Variants in ZNF207 observed in about 807,000 individuals in gnomAD.
ZNF207 encodes the protein BUB3-interacting and GLEBS motif-containing protein ZNF207.
In ZNF207, 24 loss-of-function variants were observed where a neutral mutation model predicts 60.2. The observed-to-expected ratio is 0.40, with a 90% CI of 0.29 to 0.56. The LOEUF is 0.56. Ranked by LOEUF, ZNF207 falls within the 20% of genes least tolerant of loss-of-function variation. The pLI is 0.49. For synonymous variants in ZNF207, 236 were observed against 194.7 expected (o/e 1.21, Z -1.77); for missense variants, 452 against 636.6 (o/e 0.71, Z 3.12).
intron 3 of ZNF207, among the ~76,000 whole-genome samples, chr17:32,360,174 T>C (rs1904772312): frequency 9.0e-6 from 1 of 110,834 alleles, no homozygotes. Context: ...GACCTCACCT[T>C]TACCCCCCCC....
At chr17:32,357,323 T>C (rs1486413974) in intron 2 of ZNF207, among the ~76,000 whole-genome samples, 3 of 54,292 alleles carry the variant, frequency 5.5e-5, no homozygotes, top group African/African-American at 2.6e-4. Flanking sequence ...TTATTATTAT[T>C]ATTATTATTA....
intron 1 of ZNF207, 133 bp downstream of exon 1, chr17:32,350,459 G>C: frequency 1.7e-6 from 2 of 1,199,996 alleles, no homozygotes; most frequent in Non-Finnish European, 2.4e-6. Context: ...CCTGGTGGCT[G>C]GGATTGGACT....
rs925458310 is a variant in ZNF207, at chr17:32,379,535, T to G, written c.*9776T>G. 9.2e-5 allele frequency: 14 copies of G among 152,102 alleles called. No homozygotes were observed. Among genetic ancestry groups the G allele is most frequent in the African/African-American group, 3.4e-4 (14 of 41,434 alleles). 9.4% of individuals were successfully genotyped at this position (152,102 alleles called of 1,614,324 possible). ...TTTTTTTAGTTGGCAGCCAAAAGATTTTTCTTAGTGCTTTGGAGACATTGC... is the reference window on the plus strand; with the variant it reads ...TTTTTTTAGTTGGCAGCCAAAAGATGTTTCTTAGTGCTTTGGAGACATTGC... On this transcript the variant is annotated 3_prime_UTR_variant, in exon 12 of 12. Coordinates refer to ENST00000394670, the MANE Select transcript of ZNF207 (RefSeq NM_001098507.2).
At chr17:32,361,759 A>G (rs1361088969) in intron 6 of ZNF207, among the ~76,000 whole-genome samples, 2 of 152,204 alleles carry the variant, frequency 1.3e-5, no homozygotes, top group Non-Finnish European at 2.9e-5. Flanking sequence ...ATTGAAAGTA[A>G]TGGGACCTGT....
chr17:32,367,285 A>G (rs1449936608), intron 9 of ZNF207, among the ~76,000 whole-genome samples: 1 of 134,098 alleles, frequency 7.5e-6, no homozygotes, highest in African/African-American at 2.9e-5. Context: ...ATATATATAT[A>G]AAGAATACTA....
At chr17:32,367,320 C>A (rs1304252056) in intron 9 of ZNF207, among the ~76,000 whole-genome samples, 1 of 130,240 alleles carries the variant, frequency 7.7e-6, no homozygotes. Flanking sequence ...TTTATTGTGT[C>A]ACCATTTACA....
chr17:32,358,676 AT>A (rs747447322), intron 3 of ZNF207, 35 bp downstream of exon 3: 67 of 1,332,258 alleles, frequency 5.0e-5, no homozygotes, highest in Middle Eastern at 2.3e-4. Context: ...TTATTTATTT[AT>A]TTTTTTTAAT....
chr17:32,376,209 C>T lies in ZNF207; in HGVS notation c.*6450C>T. On this transcript the variant is annotated 3_prime_UTR_variant, in exon 12 of 12. Coordinates refer to ENST00000394670, the MANE Select transcript of ZNF207 (RefSeq NM_001098507.2). ...GTAGGAAATGGAGAAAGTAGGACTT[C>T]AGTTTGCGCTTCCCAATAACTTTAA... The T allele has an allele frequency of 6.6e-6, 1 of 152,004 alleles. No homozygotes were observed. Among genetic ancestry groups the T allele is most frequent in the East Asian group, 1.9e-4 (1 of 5,202 alleles). The allele number at this position is 152,004 out of a possible 1,614,324, so 9.4% of individuals were successfully genotyped here. A position where few individuals can be genotyped will look rare whatever the true frequency, so the allele number is the denominator to read the frequency against.
In ZNF207 at chr17:32,374,276, A is replaced by C. The variant is rs1206720932; in HGVS notation, c.*4517A>C. 3 of 125,144 alleles carry C rather than the reference A, an allele frequency of 2.4e-5. No individual in the cohort carries two copies. The highest frequency in any genetic ancestry group is 9.7e-5 in the Admixed American group (1 of 10,274). 7.8% of individuals were successfully genotyped at this position (125,144 alleles called of 1,614,324 possible). Reference sequence around the variant, plus strand: ...TGTGTCACCCAGGCCAGAGTGCAGTAGCACGATCTCAGCTCACTACAACCT... The same window carrying C: ...TGTGTCACCCAGGCCAGAGTGCAGTCGCACGATCTCAGCTCACTACAACCT... On this transcript the variant is annotated 3_prime_UTR_variant, in exon 12 of 12. Transcript: ENST00000394670.
rs751569036 is a variant in ZNF207 at position 32,365,528 on chromosome 17, A to T, written c.828+41A>T. 5.0e-6 allele frequency: 8 copies of T among 1,602,462 alleles called. No individual in the cohort carries two copies. In the African/African-American group the frequency reaches 1.1e-4, roughly 22 times the overall value. On this transcript the variant is annotated intron_variant, in intron 8 of 11. Transcript: ENST00000394670. ...TGAAAAGGAGTGCACTTATATTTAA[A>T]GATAAAGTACAGTTGTTTACAGAAG...
At chr17:32,356,805 A>G (rs1904533280) in intron 2 of ZNF207, among the ~76,000 whole-genome samples, 1 of 152,190 alleles carries the variant, frequency 6.6e-6, no homozygotes, top group African/African-American at 2.4e-5. Context: ...AGTTACCCAG[A>G]TCTGAAGATT....
rs536502166 is a variant in ZNF207 at position 32,353,811 on chromosome 17, C to CAAAA, written c.168+1921_168+1924dup. Among the ~76,000 whole-genome samples the CAAAA allele has an allele frequency of 4.1e-3, 454 of 110,452 alleles. 8 individuals carry two copies. Among genetic ancestry groups the CAAAA allele is most frequent in the African/African-American group, 0.017 (434 of 25,442 alleles). 72.5% of individuals were successfully genotyped at this position (110,452 alleles called of 152,430 possible). A position where few individuals can be genotyped will look rare whatever the true frequency, so the allele number is the denominator to read the frequency against. On this transcript the variant is annotated intron_variant, in intron 2 of 11. Coordinates refer to ENST00000394670, the MANE Select transcript of ZNF207 (RefSeq NM_001098507.2). ...GCCTGGGTGACAGAGACTCTGTCTCCAAAAAAAAAAAAAAAAAAAAAAAAA... is the reference window on the plus strand; with the variant it reads ...GCCTGGGTGACAGAGACTCTGTCTCCAAAAAAAAAAAAAAAAAAAAAAAAAAAAA...
chr17:32,355,697 C>G (rs938764352), intron 2 of ZNF207, among the ~76,000 whole-genome samples: 1 of 152,084 alleles, frequency 6.6e-6, no homozygotes, highest in East Asian at 1.9e-4. Context: ...TAGGCCACTT[C>G]CAACATTTGA....
At chr17:32,359,395 G>C (rs888929547) in intron 3 of ZNF207, among the ~76,000 whole-genome samples, 1 of 152,078 alleles carries the variant, frequency 6.6e-6, no homozygotes, top group Non-Finnish European at 1.5e-5. Flanking sequence ...ACAGATGTGA[G>C]TCACCACACC....
intron 6 of ZNF207, 63 bp from the exon 7 acceptor site, chr17:32,362,851 A>G: frequency 6.8e-7 from 1 of 1,466,454 alleles, no homozygotes; most frequent in Admixed American, 1.8e-5. Context: ...TTTAGCCAGA[A>G]TATTTTTTAA....
chr17:32,373,632 TTAA>T lies in ZNF207; in HGVS notation c.*3877_*3879del. The T allele has an allele frequency of 2.6e-6, 1 of 391,364 alleles. No individual in the cohort carries two copies. Among genetic ancestry groups the T allele is most frequent in the Non-Finnish European group, 4.5e-6 (1 of 222,418 alleles). 24.2% of individuals were successfully genotyped at this position (391,364 alleles called of 1,614,324 possible). A position where few individuals can be genotyped will look rare whatever the true frequency, so the allele number is the denominator to read the frequency against. On this transcript the variant is annotated 3_prime_UTR_variant, in exon 12 of 12. Transcript: ENST00000394670. ...TTAATATTCACGTTTGACTGTGGTG[TTAA>T]TAAACATAAGTATTTCATATGCAAT...
intron 10 of ZNF207, chr17:32,369,003 C>CAAA: frequency 4.5e-6 from 1 of 224,414 alleles, no homozygotes; most frequent in Non-Finnish European, 8.6e-6. Flanking sequence ...AACCCCGTCT[C>CAAA]AAAAAAAAAA....
chr17:32,366,514 C>T (rs572590226), intron 8 of ZNF207, 151 bp from the exon 9 acceptor site: 4 of 486,616 alleles, frequency 8.2e-6, no homozygotes, highest in Non-Finnish European at 1.4e-5. Context: ...ATTGTAAATG[C>T]ATTAACTGCC....
rs951735472 is a variant in ZNF207, at chr17:32,365,576, A to AT, written c.828+96dup. ...AAGTCTTTGAAATTTTCATAGGTCA[A>AT]TTTTTTTGTTTATAATATTTTTAAT... On this transcript the variant is annotated intron_variant, in intron 8 of 11. Coordinates refer to ENST00000394670, the MANE Select transcript of ZNF207 (RefSeq NM_001098507.2). 5.0e-5 allele frequency: 63 copies of AT among 1,258,636 alleles called. No individual in the cohort carries two copies. The African/African-American group carries it at 8.6e-4, about 17-fold the overall frequency. 78.0% of individuals were successfully genotyped at this position (1,258,636 alleles called of 1,614,324 possible). A position where few individuals can be genotyped will look rare whatever the true frequency, so the allele number is the denominator to read the frequency against.
Sources: allele counts gnomAD v4.1 joint callset (sites outside exome capture counted in the v4.1 genomes callset), GRCh38; gene constraint gnomAD v4.1.1; transcripts MANE v1.5; gene names NCBI Gene and HGNC (gene_info 2026-07-23, HGNC 2026-07-21).